Variants in SMAD4 observed in about 807,000 individuals in gnomAD.
SMAD4 encodes the protein SMAD family member 4, also known as MAD homolog 4.
SMAD4 carries 7 observed loss-of-function variants against 63.2 expected under a neutral mutation model. The ratio of observed to expected loss-of-function variants is 0.11; its 90% CI spans 0.06 to 0.21. The LOEUF is 0.21. SMAD4 is among the 10% of genes least tolerant of loss of function. The pLI is 1.00. For synonymous variants in SMAD4, 215 were observed against 235.4 expected (o/e 0.91, Z 0.79); for missense variants, 312 against 693.8 (o/e 0.45, Z 6.18).
chr18:51,079,231 ATTC>A lies in SMAD4; in HGVS notation c.*769_*771del, dbSNP rs1036773038. ...TTTTCCCCTGTTAAACAGTAGTTGT[ATTC>A]TTCTGTATTTCTAGGCACAAGGTTG... On this transcript the variant is annotated 3_prime_UTR_variant, in exon 12 of 12. Transcript: ENST00000342988. 9 of 232,950 alleles carry A rather than the reference ATTC, an allele frequency of 3.9e-5. No homozygotes were observed. Among genetic ancestry groups the A allele is most frequent in the Non-Finnish European group, 5.9e-5 (7 of 117,890 alleles). 14.4% of individuals were successfully genotyped at this position (232,950 alleles called of 1,614,324 possible). A position where few individuals can be genotyped will look rare whatever the true frequency, so the allele number is the denominator to read the frequency against.
chr18:51,051,951 T>C (rs1308413969), intron 4 of SMAD4, among the ~76,000 whole-genome samples: 5 of 151,860 alleles, frequency 3.3e-5, no homozygotes, highest in African/African-American at 1.2e-4. Flanking sequence ...GGATTACAGG[T>C]GCCCGCCACC....
chr18:51,076,302 T>A, intron 10 of SMAD4, among the ~76,000 whole-genome samples: 1 of 152,114 alleles, frequency 6.6e-6, no homozygotes, highest in Non-Finnish European at 1.5e-5. Context: ...GCAATTTGAT[T>A]ATGAAAGGGG....
intron 4 of SMAD4, chr18:51,051,547 C>T (rs761778148): frequency 2.7e-6 from 1 of 376,166 alleles, no homozygotes; most frequent in Non-Finnish European, 5.2e-6. Flanking sequence ...TTCATTTTAA[C>T]AAGTATTTAA....
rs1461871629 is a variant in SMAD4, at chr18:51,046,957, C to A, written c.-90C>A. 8.5e-7 allele frequency: 1 copy of A among 1,171,332 alleles called. No homozygotes were observed. Among genetic ancestry groups the A allele is most frequent in the East Asian group, 2.4e-5 (1 of 41,964 alleles). 72.6% of individuals were successfully genotyped at this position (1,171,332 alleles called of 1,614,324 possible). A position where few individuals can be genotyped will look rare whatever the true frequency, so the allele number is the denominator to read the frequency against. On this transcript the variant is annotated 5_prime_UTR_variant, in exon 2 of 12. Transcript: ENST00000342988. Reference sequence around the variant, plus strand: ...ACATGTCTAACAATTTTCCTTGCAACGTTAGCTGTTGTTTTTCACTGTTTC... The same window carrying A: ...ACATGTCTAACAATTTTCCTTGCAAAGTTAGCTGTTGTTTTTCACTGTTTC...
At position 51,046,910 on chromosome 18, in the gene SMAD4, TC is replaced by T. The variant is rs775181052; in HGVS notation, c.-127-9del. The T allele has an allele frequency of 2.8e-5, 20 of 706,602 alleles. No homozygotes were observed. Among genetic ancestry groups the T allele is most frequent in the Middle Eastern group, 7.6e-4 (2 of 2,638 alleles). 43.8% of individuals were successfully genotyped at this position (706,602 alleles called of 1,614,324 possible). ...TTCTGATGTGTGTCTTTTTTTTTTT[TC>T]TTTTTTAGGTTATCCTGAATACATG... On this transcript the variant is annotated splice_polypyrimidine_tract_variant and intron_variant, in intron 1 of 11. Coordinates refer to ENST00000342988, the MANE Select transcript of SMAD4 (RefSeq NM_005359.6).
At chr18:51,060,654 G>A (rs1037419962) in intron 8 of SMAD4, among the ~76,000 whole-genome samples, 1 of 152,080 alleles carries the variant, frequency 6.6e-6, no homozygotes, top group Admixed American at 6.6e-5. Flanking sequence ...TTATTTTTGA[G>A]AGAGGGCCTG....
At chr18:51,053,272 C>G (rs1424170060) in intron 4 of SMAD4, 1 of 152,004 alleles carries the variant, frequency 6.6e-6, no homozygotes, top group Non-Finnish European at 1.5e-5. Flanking sequence ...CAAAAAAAAC[C>G]TAAGATGTCC....
At chr18:51,062,676 G>A (rs572227741) in intron 8 of SMAD4, among the ~76,000 whole-genome samples, 1 of 140,100 alleles carries the variant, frequency 7.1e-6, no homozygotes, top group East Asian at 2.2e-4. Flanking sequence ...TTTTTGTATT[G>A]TTAGTAGAGA....
rs2144427170 is a variant in SMAD4, at chr18:51,058,185, G to T, written c.728G>T (p.Gly243Val). Reference sequence around the variant, plus strand: ...GAAGGACTGTTGCAGATAGCATCAGGGCCTCAGCCAGGACAGCAGCAGAAT... The same window carrying T: ...GAAGGACTGTTGCAGATAGCATCAGTGCCTCAGCCAGGACAGCAGCAGAAT... ...HSEGLLQIAS[G>V]PQPGQQQNGF... Residue 243 changes from glycine to valine, a missense_variant, in exon 6 of 12, where the codon GGG becomes GTG. This residue lies in a region of SMAD4 where 169 missense variants were observed against 211.0 expected (regional missense o/e 0.80). Transcript: ENST00000342988. 1 of 1,614,100 alleles carries T rather than the reference G, an allele frequency of 6.2e-7. No individual in the cohort carries two copies. The highest frequency in any genetic ancestry group is 8.5e-7 in the Non-Finnish European group (1 of 1,179,996).
chr18:51,060,889 T>TTTTATTTA (rs539287374), intron 8 of SMAD4, among the ~76,000 whole-genome samples: 6 of 151,702 alleles, frequency 4.0e-5, no homozygotes, highest in Admixed American at 3.3e-4. Flanking sequence ...CTGCTAATAA[T>TTTTATTTA]TTTATTTATT....
intron 10 of SMAD4, among the ~76,000 whole-genome samples, chr18:51,073,443 G>A (rs1441200511): frequency 7.7e-6 from 1 of 129,604 alleles, no homozygotes; most frequent in Non-Finnish European, 1.6e-5. Flanking sequence ...ACCATACTTG[G>A]TTAGTGATGA....
At chr18:51,036,186 T>A (rs1281624790) in intron 1 of SMAD4, among the ~76,000 whole-genome samples, 1 of 152,126 alleles carries the variant, frequency 6.6e-6, no homozygotes, top group African/African-American at 2.4e-5. Flanking sequence ...GGGGTCTTGC[T>A]TTGTTGCCCA....
chr18:51,040,910 A>T (rs544757466), intron 1 of SMAD4, among the ~76,000 whole-genome samples: 6 of 152,324 alleles, frequency 3.9e-5, no homozygotes, highest in African/African-American at 1.2e-4. Flanking sequence ...CTAAAGCTGA[A>T]TTTGTTACAT....
At chr18:51,036,397 A>G (rs533812562) in intron 1 of SMAD4, among the ~76,000 whole-genome samples, 4 of 152,214 alleles carry the variant, frequency 2.6e-5, no homozygotes, top group South Asian at 2.1e-4. Flanking sequence ...AGCATATGTT[A>G]TCAGTAGATG....
At chr18:51,066,288 G>C (rs1234505295) in intron 9 of SMAD4, among the ~76,000 whole-genome samples, 1 of 149,862 alleles carries the variant, frequency 6.7e-6, no homozygotes, top group Non-Finnish European at 1.5e-5. Flanking sequence ...AGGTTGCAGT[G>C]AGCTGAGATC....
chr18:51,064,942 T>C (rs1403205215), intron 8 of SMAD4, among the ~76,000 whole-genome samples: 1 of 152,218 alleles, frequency 6.6e-6, no homozygotes, highest in African/African-American at 2.4e-5. Flanking sequence ...CATGAGTCGA[T>C]GTTATTCAAG....
At chr18:51,060,492 T>G (rs974967605) in intron 8 of SMAD4, among the ~76,000 whole-genome samples, 2 of 152,224 alleles carry the variant, frequency 1.3e-5, no homozygotes, top group Non-Finnish European at 2.9e-5. Flanking sequence ...TTTTGAATTT[T>G]TTTCTCATCC....
chr18:51,051,647 G>T (rs575424192), intron 4 of SMAD4, among the ~76,000 whole-genome samples: 46 of 152,298 alleles, frequency 3.0e-4, no homozygotes, highest in African/African-American at 1.1e-3. Flanking sequence ...TTATACTCTA[G>T]TGGAGGAGAG....
intron 10 of SMAD4, among the ~76,000 whole-genome samples, chr18:51,070,165 C>T (rs1183548312): frequency 6.6e-6 from 1 of 152,158 alleles, no homozygotes; most frequent in African/African-American, 2.4e-5. Context: ...TGAATATATA[C>T]TGTGTGCCAG....
Sources: allele counts gnomAD v4.1 joint callset (sites outside exome capture counted in the v4.1 genomes callset), GRCh38; gene constraint gnomAD v4.1.1; regional missense constraint gnomAD v4.1.1; transcripts MANE v1.5; gene names NCBI Gene and HGNC (gene_info 2026-07-23, HGNC 2026-07-21).